The following HMHB1 variants were observed in gnomAD, a reference collection of about 807,000 sequenced individuals.
HMHB1 encodes the protein histocompatibility minor HB-1, also known as minor histocompatibility protein HB-1.
HMHB1 carries 4 observed loss-of-function variants against 2.4 expected under a neutral mutation model. The ratio of observed to expected loss-of-function variants is 1.65; its 90% CI spans 0.81 to 3.77. HMHB1 has a LOEUF of 3.77. Among genes scored for constraint, HMHB1 ranks in the 30% most tolerant of loss-of-function variants. The probability of loss-of-function intolerance (pLI) is 0.01; values close to 1 mark genes in which losing one functional copy is unlikely to be tolerated. For synonymous variants in HMHB1, 22 were observed against 17.6 expected (o/e 1.25, Z -0.63); for missense variants, 57 against 44.2 (o/e 1.29, Z -0.82).
intron 1 of HMHB1, among the ~76,000 whole-genome samples, chr5:143,817,096 T>C (rs1214410245): frequency 6.6e-6 from 1 of 152,254 alleles, no homozygotes; most frequent in African/African-American, 2.4e-5. Flanking sequence ...AGATTCTGGA[T>C]ATTAGTCCTT....
chr5:143,820,657 G>C lies in HMHB1; in HGVS notation c.*89G>C. On this transcript the variant is annotated 3_prime_UTR_variant, in exon 2 of 2. Coordinates refer to ENST00000289448, the MANE Select transcript of HMHB1 (RefSeq NM_021182.3). ...TGAGCATGAAGAAGAGTAAAATTAA[G>C]CAAGTGGAACATATGCCCTTTGCCT... 1 of 833,526 alleles carries C rather than the reference G, an allele frequency of 1.2e-6. No homozygotes were observed. The highest frequency in any genetic ancestry group is 2.3e-4 in the Middle Eastern group (1 of 4,404). 51.6% of individuals were successfully genotyped at this position (833,526 alleles called of 1,614,324 possible). A position where few individuals can be genotyped will look rare whatever the true frequency, so the allele number is the denominator to read the frequency against.
At chr5:143,812,402 C>A in intron 1 of HMHB1, 98 bp downstream of exon 1, 1 of 1,139,920 alleles carries the variant, frequency 8.8e-7, no homozygotes, top group Non-Finnish European at 1.3e-6. Flanking sequence ...GAGAGGGAAA[C>A]CACAACAGGT....
intron 1 of HMHB1, among the ~76,000 whole-genome samples, chr5:143,818,620 G>A (rs1425699198): frequency 2.0e-5 from 3 of 152,168 alleles, no homozygotes; most frequent in Non-Finnish European, 4.4e-5. Flanking sequence ...CAGCTATGCA[G>A]CCTATAGTTA....
intron 1 of HMHB1, among the ~76,000 whole-genome samples, chr5:143,815,312 G>GT (rs1287455686): frequency 2.0e-5 from 3 of 152,186 alleles, no homozygotes; most frequent in African/African-American, 7.2e-5. Flanking sequence ...TGGGGCTGTG[G>GT]TTTTAGCTGA....
intron 1 of HMHB1, among the ~76,000 whole-genome samples, chr5:143,816,164 T>G (rs1759747650): frequency 6.6e-6 from 1 of 152,228 alleles, no homozygotes; most frequent in African/African-American, 2.4e-5. Flanking sequence ...ATGAGCATCT[T>G]GGGGGAGAAT....
chr5:143,817,677 G>A (rs781379049), intron 1 of HMHB1, among the ~76,000 whole-genome samples: 1 of 152,060 alleles, frequency 6.6e-6, no homozygotes, highest in Non-Finnish European at 1.5e-5. Flanking sequence ...TCTTGGTTTG[G>A]CTATGCGGGC....
chr5:143,816,662 CAT>C (rs1397095741), intron 1 of HMHB1, among the ~76,000 whole-genome samples: 14 of 152,314 alleles, frequency 9.2e-5, no homozygotes, highest in South Asian at 6.2e-4. Flanking sequence ...CTGCTATAAA[CAT>C]GTGTGTGCAA....
chr5:143,816,576 T>TAC (rs963020898), intron 1 of HMHB1, among the ~76,000 whole-genome samples: 1 of 152,226 alleles, frequency 6.6e-6, no homozygotes, highest in African/African-American at 2.4e-5. Context: ...TGTATATATA[T>TAC]ACCACAGTTT....
chr5:143,813,852 G>A (rs1230415487), intron 1 of HMHB1, among the ~76,000 whole-genome samples: 1 of 152,122 alleles, frequency 6.6e-6, no homozygotes, highest in African/African-American at 2.4e-5. Context: ...ATAGAAATGA[G>A]ATGGCCAATT....
rs1759701046 is a variant in HMHB1 at position 143,812,306 on chromosome 5, T to C, written c.37+2T>C. 4.5e-6 allele frequency: 7 copies of C among 1,546,402 alleles called. No homozygotes were observed. In the South Asian group the frequency reaches 6.0e-5, roughly 13 times the overall value. On this transcript the variant is annotated splice_donor_variant, in intron 1 of 1. Transcript: ENST00000289448. LOFTEE classifies it high-confidence loss of function. ...CAGAATGCAGAGAAGAAAAAAGAGG[T>C]GAGGGAGCGAGGAGGAGGGAGAACA...
At chr5:143,819,346 TCTA>T (rs1759781658) in intron 1 of HMHB1, among the ~76,000 whole-genome samples, 3 of 152,298 alleles carry the variant, frequency 2.0e-5, no homozygotes, top group Non-Finnish European at 2.9e-5. Flanking sequence ...ACCCTAAAAG[TCTA>T]CTACAATATC....
At chr5:143,819,612 GC>G in intron 1 of HMHB1, among the ~76,000 whole-genome samples, 1 of 149,550 alleles carries the variant, frequency 6.7e-6, no homozygotes, top group Non-Finnish European at 1.5e-5. Flanking sequence ...TCCAGCCTGG[GC>G]GAGAGAGTGA....
chr5:143,818,390 G>A (rs1298686958), intron 1 of HMHB1, among the ~76,000 whole-genome samples: 2 of 152,096 alleles, frequency 1.3e-5, no homozygotes, highest in African/African-American at 4.8e-5. Context: ...TCAAAGTACT[G>A]GATAAAGAAA....
chr5:143,812,387 G>A, intron 1 of HMHB1, 83 bp downstream of exon 1: 1 of 1,280,024 alleles, frequency 7.8e-7, no homozygotes, highest in African/African-American at 1.5e-5. Flanking sequence ...AAATGCTGGT[G>A]GAATGAGAGG....
intron 1 of HMHB1, among the ~76,000 whole-genome samples, chr5:143,815,045 G>A (rs1759732367): frequency 1.3e-5 from 2 of 152,202 alleles, no homozygotes; most frequent in Admixed American, 1.3e-4. Flanking sequence ...CCCAAAGCTG[G>A]CAAATTGTAG....
intron 1 of HMHB1, among the ~76,000 whole-genome samples, chr5:143,818,991 A>G (rs778127968): frequency 6.6e-6 from 1 of 152,202 alleles, no homozygotes; most frequent in African/African-American, 2.4e-5. Flanking sequence ...CCTGAACTAG[A>G]AAACATAAAA....
intron 1 of HMHB1, among the ~76,000 whole-genome samples, 162 bp from the exon 2 acceptor site, chr5:143,820,318 T>TTAAAAAA (rs1224094703): frequency 6.3e-5 from 3 of 47,578 alleles, no homozygotes; most frequent in African/African-American, 2.1e-4. Flanking sequence ...TCATCATAAG[T>TTAAAAAA]AAAAAAAAAA....
At chr5:143,814,946 A>T (rs1246514753) in intron 1 of HMHB1, among the ~76,000 whole-genome samples, 1 of 152,044 alleles carries the variant, frequency 6.6e-6, no homozygotes, top group Non-Finnish European at 1.5e-5. Flanking sequence ...TCATTTGTTG[A>T]TATTTGTTAT....
At chr5:143,813,601 A>C (rs532539403) in intron 1 of HMHB1, among the ~76,000 whole-genome samples, 32 of 152,354 alleles carry the variant, frequency 2.1e-4, no homozygotes, top group African/African-American at 7.5e-4. Context: ...TTAACTCAGA[A>C]ACTCAAATGA....
Sources: allele counts gnomAD v4.1 joint callset (sites outside exome capture counted in the v4.1 genomes callset), GRCh38; gene constraint gnomAD v4.1.1; transcripts MANE v1.5; gene names NCBI Gene and HGNC (gene_info 2026-07-23, HGNC 2026-07-21).